The following TRPC1 variants were observed in gnomAD, a reference collection of about 807,000 sequenced individuals.
The protein encoded by TRPC1 is transient receptor potential cation channel subfamily C member 1.
In TRPC1, 42 loss-of-function variants were observed where a neutral mutation model predicts 88.2. The observed-to-expected ratio is 0.48, with a 90% CI of 0.37 to 0.62. The LOEUF is 0.62. Ranked by LOEUF, TRPC1 falls within the 20% of genes least tolerant of loss-of-function variation. The pLI, the probability that TRPC1 is intolerant of heterozygous loss-of-function variation, is 0.00. For missense variants in TRPC1, 699 were observed against 957.3 expected (o/e 0.73, Z 3.56); for synonymous variants, 288 against 331.8 (o/e 0.87, Z 1.43).
Position 142,804,657 on chromosome 3 carries a change from A to G in TRPC1, c.2154+27A>G, listed in dbSNP as rs918769504. ...TAAGAAATTAGAAGCTTGAATGGCA[A>G]CATAAAAGTTTTAACAATTCCTAAT... is the stretch of plus-strand genomic sequence containing the variant. On this transcript the variant is annotated intron_variant, in intron 12 of 12. Transcript: ENST00000476941. The G allele has an allele frequency of 2.6e-6, 4 of 1,564,986 alleles. No homozygotes were observed. The African/African-American group carries it at 4.2e-5, about 16-fold the overall frequency.
At chr3:142,802,417 A>AAT in intron 10 of TRPC1, 73 bp downstream of exon 10, 1 of 1,050,532 alleles carries the variant, frequency 9.5e-7, no homozygotes, top group Non-Finnish European at 1.3e-6. Context: ...ATGAATTAGT[A>AAT]TCTATAGAAA....
intron 4 of TRPC1, among the ~76,000 whole-genome samples, chr3:142,774,639 T>A (rs557965168): frequency 2.0e-4 from 31 of 152,312 alleles, no homozygotes; most frequent in African/African-American, 6.5e-4. Flanking sequence ...TTTTCAACAA[T>A]CAACAATTCT....
intron 5 of TRPC1, among the ~76,000 whole-genome samples, chr3:142,780,247 A>C (rs1335165920): frequency 6.6e-6 from 1 of 152,234 alleles, no homozygotes; most frequent in Non-Finnish European, 1.5e-5. Context: ...CCCAAGATTC[A>C]AGGAATAGGG....
rs1308736768 is a variant in TRPC1, at chr3:142,724,896, G to C, written c.172+165G>C. Among the ~76,000 whole-genome samples, 2 of 152,204 alleles carry C rather than the reference G, an allele frequency of 1.3e-5. No homozygotes were observed. The highest frequency in any genetic ancestry group is 2.9e-5 in the Non-Finnish European group (2 of 68,032). On this transcript the variant is annotated intron_variant, in intron 1 of 12. Coordinates refer to ENST00000476941, the MANE Select transcript of TRPC1 (RefSeq NM_001251845.2). This position sits in a 1 kb window ranked among gnomAD's most constrained non-coding sequence, Gnocchi z 5.6. ...GTCTTCTCCTCACCGCCTCTGCCCT[G>C]TGAGTGTGGAGCTGGCGGGAGAGTG...
At chr3:142,754,429 AT>A (rs1225774871) in intron 4 of TRPC1, among the ~76,000 whole-genome samples, 3 of 152,204 alleles carry the variant, frequency 2.0e-5, no homozygotes, top group African/African-American at 4.8e-5. Flanking sequence ...AATAAAAAAA[AT>A]GACGAGTTAA....
chr3:142,724,452 A>C lies in TRPC1; in HGVS notation c.-108A>C. The stretch of plus-strand genomic sequence containing the variant: ...GCCTCGAGCCGAGGCAGCAGTGGGA[A>C]CGACTCATCCTTTTTCCAGCCCTGG... On this transcript the variant is annotated 5_prime_UTR_variant, in exon 1 of 13. Transcript: ENST00000476941. This position sits in a 1 kb window ranked among gnomAD's most constrained non-coding sequence, Gnocchi z 5.6. The C allele has an allele frequency of 1.8e-6, 2 of 1,122,494 alleles. No homozygotes were observed. Among genetic ancestry groups the C allele is most frequent in the East Asian group, 3.0e-5 (1 of 32,820 alleles). The allele number at this position is 1,122,494 out of a possible 1,614,324, so 69.5% of individuals were successfully genotyped here. A position where few individuals can be genotyped will look rare whatever the true frequency, so the allele number is the denominator to read the frequency against.
In TRPC1 at chr3:142,780,935, C is replaced by T. The variant is rs1391039013; in HGVS notation, c.866C>T (p.Thr289Met). The change falls in exon 6 of 13, where the codon ACG becomes ATG. Residue 289 changes from threonine to methionine, a missense_variant. Physicochemically the swap from Thr to Met is moderately conservative, Grantham distance 81. Coordinates refer to ENST00000476941, the MANE Select transcript of TRPC1 (RefSeq NM_001251845.2). ...SRELEVILNH[T>M]SSDEPLDKRG... ...GAATTGGAAGTTATTCTAAACCATA[C>T]GTCTAGTGACGAGCCTCTTGACAAA... 12 of 1,613,696 alleles carry T rather than the reference C, an allele frequency of 7.4e-6. No homozygotes were observed. The highest frequency in any genetic ancestry group is 3.3e-5 in the South Asian group (3 of 91,046).
rs1229119678 is a variant in TRPC1 at position 142,767,671 on chromosome 3, A to G, written c.633-9961A>G. 3.3e-5 allele frequency among the ~76,000 whole-genome samples: 5 copies of G among 150,638 alleles called. No individual in the cohort carries two copies. The highest frequency in any genetic ancestry group is 7.4e-5 in the Non-Finnish European group (5 of 67,658). On this transcript the variant is annotated intron_variant, in intron 4 of 12. Coordinates refer to ENST00000476941, the MANE Select transcript of TRPC1 (RefSeq NM_001251845.2). This position sits in a 1 kb window ranked among gnomAD's most constrained non-coding sequence, Gnocchi z 5.1. ...CATTTCAGCTCTTAGGATATTCACA[A>G]AGTTGTGCATCACTTCAAAAAGAAA...
At chr3:142,775,492 AC>A (rs1935737469) in intron 4 of TRPC1, among the ~76,000 whole-genome samples, 1 of 152,026 alleles carries the variant, frequency 6.6e-6, no homozygotes, top group Non-Finnish European at 1.5e-5. Context: ...GGTGGCACGC[AC>A]CTGTAATCCC....
chr3:142,796,674 T>C (rs986872480), intron 9 of TRPC1, among the ~76,000 whole-genome samples: 1 of 125,222 alleles, frequency 8.0e-6, no homozygotes, highest in Non-Finnish European at 1.5e-5. Flanking sequence ...ATAGACTTAC[T>C]CAAAAAAGGT....
chr3:142,788,131 G>T lies in TRPC1; in HGVS notation c.1298-2888G>T, dbSNP rs182937328. 2.6e-5 allele frequency among the ~76,000 whole-genome samples: 4 copies of T among 152,256 alleles called. No homozygotes were observed. The East Asian group carries it at 7.7e-4, about 29-fold the overall frequency. ...ATATTAAGAACAAGGGGAAACCATT[G>T]CCTACCTGAAGTAGGCAAGTGACAT... On this transcript the variant is annotated intron_variant, in intron 7 of 12. Transcript: ENST00000476941.
At chr3:142,763,877 T>C (rs1253283145) in intron 4 of TRPC1, among the ~76,000 whole-genome samples, 1 of 150,048 alleles carries the variant, frequency 6.7e-6, no homozygotes, top group Admixed American at 6.7e-5. Flanking sequence ...ACCATGATTC[T>C]TGCAAAAAAC....
At chr3:142,779,625 AG>A (rs1310440030) in intron 5 of TRPC1, among the ~76,000 whole-genome samples, 1 of 152,184 alleles carries the variant, frequency 6.6e-6, no homozygotes, top group Non-Finnish European at 1.5e-5. Context: ...ATTAAGGCAA[AG>A]AAGTTTTTAT....
intron 3 of TRPC1, among the ~76,000 whole-genome samples, chr3:142,746,333 C>A (rs963731270): frequency 1.3e-5 from 2 of 151,938 alleles, no homozygotes; most frequent in African/African-American, 2.4e-5. Context: ...TTATGCATAT[C>A]TAGTGATGTT....
At chr3:142,750,922 T>G (rs1934742442) in intron 4 of TRPC1, among the ~76,000 whole-genome samples, 1 of 152,166 alleles carries the variant, frequency 6.6e-6, no homozygotes, top group Non-Finnish European at 1.5e-5. Context: ...ATTCTGCACA[T>G]GTATCCCAGA....
At chr3:142,748,681 G>A (rs1388223173) in intron 4 of TRPC1, among the ~76,000 whole-genome samples, 1 of 152,186 alleles carries the variant, frequency 6.6e-6, no homozygotes, top group Non-Finnish European at 1.5e-5. Flanking sequence ...AATTATGAAT[G>A]AAGTTATCTC....
At chr3:142,737,304 AT>A (rs1249580911) in intron 2 of TRPC1, among the ~76,000 whole-genome samples, 1 of 145,012 alleles carries the variant, frequency 6.9e-6, no homozygotes, top group Admixed American at 7.0e-5. Flanking sequence ...AAGTAGGGTA[AT>A]TCTATGTACA....
chr3:142,777,815 C>T (rs777395591), intron 5 of TRPC1, 52 bp downstream of exon 5: 5 of 1,522,684 alleles, frequency 3.3e-6, no homozygotes, highest in South Asian at 1.3e-5. Flanking sequence ...TCTTCAACCT[C>T]AGTTTCTTCA....
rs966486341 is a variant in TRPC1 at position 142,763,943 on chromosome 3, C to T, written c.633-13689C>T. Among the ~76,000 whole-genome samples, 10 of 62,010 alleles carry T rather than the reference C, an allele frequency of 1.6e-4. 1 individual carries two copies. The highest frequency in any genetic ancestry group is 2.7e-4 in the Non-Finnish European group (7 of 25,984). 40.7% of individuals were successfully genotyped at this position (62,010 alleles called of 152,430 possible). On this transcript the variant is annotated intron_variant, in intron 4 of 12. Coordinates refer to ENST00000476941, the MANE Select transcript of TRPC1 (RefSeq NM_001251845.2). ...CAGCCTGGGCAATAGAGCGAGACTC[C>T]GTCTCAAAAAAAAGAAATATATATA...
Sources: gnomAD v4.1 joint callset for allele counts (sites outside exome capture counted in the v4.1 genomes callset) on GRCh38, gnomAD v4.1.1 for gene constraint, Gnocchi (gnomAD v3.1) non-coding constraint, MANE v1.5 for transcripts, NCBI Gene and HGNC (gene_info 2026-07-23, HGNC 2026-07-21) for gene names.